LPAR3: variants seen among roughly 807,000 people sequenced by gnomAD.
The protein encoded by LPAR3 is lysophosphatidic acid receptor 3.
A neutral mutation model predicts 17.8 loss-of-function variants in LPAR3; 7 were observed. The observed-to-expected ratio is 0.39, with a 90% CI of 0.22 to 0.74. The LOEUF (loss-of-function observed/expected upper bound fraction) is 0.74. Ranked by LOEUF, LPAR3 falls within the 30% of genes least tolerant of loss-of-function variation. The probability of loss-of-function intolerance (pLI) is 0.40; values close to 1 mark genes in which losing one functional copy is unlikely to be tolerated. For synonymous variants in LPAR3, 179 were observed against 179.9 expected, an observed-to-expected ratio of 0.99 and a Z score of 0.04; for missense variants, 391 against 453.4, an observed-to-expected ratio of 0.86 and a Z score of 1.25.
intron 2 of LPAR3, among the ~76,000 whole-genome samples, chr1:84,850,412 AAAAAAG>A (rs538660476): frequency 1.3e-5 from 2 of 149,716 alleles, no homozygotes; most frequent in Admixed American, 6.7e-5. Context: ...AAAAAAAAAA[AAAAAAG>A]AAAAAGAAAA....
intron 2 of LPAR3, among the ~76,000 whole-genome samples, chr1:84,837,025 A>AT (rs397775811): frequency 0.66 from 93,579 of 141,312 alleles, 31,635 homozygotes; most frequent in African/African-American, 0.8. Context: ...TACTTTATCA[A>AT]TTTTTTTTTT....
At chr1:84,819,400 G>C (rs1659007385) in intron 2 of LPAR3, among the ~76,000 whole-genome samples, 1 of 152,042 alleles carries the variant, frequency 6.6e-6, no homozygotes, top group Admixed American at 6.6e-5. Flanking sequence ...ATATTCTCTG[G>C]TCCCACATCA....
chr1:84,852,070 G>C (rs981245485), intron 2 of LPAR3, among the ~76,000 whole-genome samples: 7 of 94,198 alleles, frequency 7.4e-5, no homozygotes, highest in African/African-American at 2.9e-4. Flanking sequence ...TTTTTTTTTT[G>C]AGTTGGAGTC....
intron 1 of LPAR3, among the ~76,000 whole-genome samples, chr1:84,872,813 C>T (rs1660181442): frequency 1.3e-5 from 2 of 152,148 alleles, no homozygotes; most frequent in South Asian, 4.1e-4. Context: ...AGCAGAGAAA[C>T]TTGACAAACA....
At chr1:84,863,153 C>G (rs1490331445) in intron 2 of LPAR3, among the ~76,000 whole-genome samples, 1 of 151,816 alleles carries the variant, frequency 6.6e-6, no homozygotes, top group African/African-American at 2.4e-5. Flanking sequence ...ACAGCTCACT[C>G]AACCTCAACC....
chr1:84,817,889 C>T (rs9726410), intron 2 of LPAR3, among the ~76,000 whole-genome samples: 44,012 of 151,868 alleles, frequency 0.29, 7,028 homozygotes, highest in East Asian at 0.56. Flanking sequence ...TGACATACTA[C>T]GGAGGGGCCC....
intron 1 of LPAR3, among the ~76,000 whole-genome samples, chr1:84,888,600 G>A (rs561525058): frequency 2.0e-5 from 3 of 152,304 alleles, no homozygotes; most frequent in African/African-American, 7.2e-5. Flanking sequence ...GATGTGCTTC[G>A]GGATAGCTTG....
chr1:84,863,055 TCCTC>T (rs1570891960), intron 2 of LPAR3, among the ~76,000 whole-genome samples: 1 of 149,526 alleles, frequency 6.7e-6, no homozygotes, highest in South Asian at 2.1e-4. Context: ...AACCTTTCTC[TCCTC>T]CCTTTTTTTT....
In LPAR3 at chr1:84,824,087, T is replaced by C. The variant is rs1009588648; in HGVS notation, c.737-9916A>G. On this transcript the variant is annotated intron_variant, in intron 2 of 2. Transcript: ENST00000370611. ...TGGGGGAATGTATAAGAGATGTCTC[T>C]AATGGGGTTGAAACATTTTGAAAGG... Among the ~76,000 whole-genome samples, 3 of 152,344 alleles carry C rather than the reference T, an allele frequency of 2.0e-5. No individual in the cohort carries two copies. In the East Asian group the frequency reaches 5.8e-4, roughly 29 times the overall value.
chr1:84,862,297 G>T (rs570433863), intron 2 of LPAR3, among the ~76,000 whole-genome samples: 59 of 152,308 alleles, frequency 3.9e-4, no homozygotes, highest in African/African-American at 1.4e-3. Context: ...TCTTATCAAT[G>T]TGTCAACGGT....
chr1:84,838,648 C>T (rs1400112686), intron 2 of LPAR3, among the ~76,000 whole-genome samples: 1 of 152,174 alleles, frequency 6.6e-6, no homozygotes. Context: ...GCCTTCTTGC[C>T]TCCAGTCTCA....
chr1:84,812,845 T>C lies in LPAR3; in HGVS notation c.*1001A>G, dbSNP rs1298511542. 1.3e-5 allele frequency: 2 copies of C among 152,072 alleles called. No homozygotes were observed. Among genetic ancestry groups the C allele is most frequent in the African/African-American group, 2.4e-5 (1 of 41,374 alleles). 9.4% of individuals were successfully genotyped at this position (152,072 alleles called of 1,614,324 possible). A position where few individuals can be genotyped will look rare whatever the true frequency, so the allele number is the denominator to read the frequency against. ...GTGTTCTCTTGGCTTCTTTTGCTCT[T>C]ACTAGGCAAGATTATCAGCTGGATG... On this transcript the variant is annotated 3_prime_UTR_variant, in exon 3 of 3. Coordinates refer to ENST00000370611, the MANE Select transcript of LPAR3 (RefSeq NM_012152.3).
chr1:84,835,797 T>C (rs1272943606), intron 2 of LPAR3, among the ~76,000 whole-genome samples: 1 of 152,134 alleles, frequency 6.6e-6, no homozygotes, highest in East Asian at 1.9e-4. Context: ...TATTGATGAA[T>C]CTCCTAACTG....
intron 1 of LPAR3, among the ~76,000 whole-genome samples, chr1:84,870,569 A>G (rs1474653852): frequency 6.6e-6 from 1 of 152,214 alleles, no homozygotes; most frequent in East Asian, 1.9e-4. Context: ...ATTACTTAAT[A>G]TCTCTACTTT....
intron 2 of LPAR3, among the ~76,000 whole-genome samples, chr1:84,855,817 C>T (rs1659807524): frequency 6.6e-6 from 1 of 152,090 alleles, no homozygotes; most frequent in South Asian, 2.1e-4. Context: ...AAGAAAGAAC[C>T]AAGAGCCAGA....
At chr1:84,839,764 G>A (rs946189468) in intron 2 of LPAR3, among the ~76,000 whole-genome samples, 1 of 152,132 alleles carries the variant, frequency 6.6e-6, no homozygotes, top group African/African-American at 2.4e-5. Flanking sequence ...GGACCAAAGT[G>A]CACTCAAATC....
chr1:84,828,308 C>T (rs1238175646), intron 2 of LPAR3, among the ~76,000 whole-genome samples: 2 of 152,176 alleles, frequency 1.3e-5, no homozygotes, highest in African/African-American at 2.4e-5. Context: ...GAATGGCAAT[C>T]ATTTATAGTT....
intron 1 of LPAR3, among the ~76,000 whole-genome samples, chr1:84,876,585 G>A (rs1660264357): frequency 6.6e-6 from 1 of 151,988 alleles, no homozygotes; most frequent in Admixed American, 6.6e-5. Flanking sequence ...TCTAGCTCGG[G>A]GACACTGTAC....
chr1:84,885,058 A>G (rs1329895155), intron 1 of LPAR3, among the ~76,000 whole-genome samples: 3 of 152,168 alleles, frequency 2.0e-5, no homozygotes, highest in African/African-American at 7.2e-5. Flanking sequence ...GCCAGGGCCA[A>G]TCCTCTCCTC....
Sources: allele counts gnomAD v4.1 joint callset (sites outside exome capture counted in the v4.1 genomes callset), GRCh38; gene constraint gnomAD v4.1.1; transcripts MANE v1.5; gene names NCBI Gene and HGNC (gene_info 2026-07-23, HGNC 2026-07-21).